The following RALGPS1 variants were observed in gnomAD, a reference collection of about 807,000 sequenced individuals.
The protein encoded by RALGPS1 is Ral GEF with PH domain and SH3 binding motif 1, also known as ras-specific guanine nucleotide-releasing factor RalGPS1.
A neutral mutation model predicts 78.8 loss-of-function variants in RALGPS1; 19 were observed. That is an observed-to-expected ratio of 0.24 (90% CI 0.17 to 0.35). RALGPS1 has a LOEUF of 0.35. RALGPS1 is among the 10% of genes least tolerant of loss of function. The pLI is 1.00. For missense variants in RALGPS1, 454 were observed against 688.3 expected (o/e 0.66, Z 3.81); for synonymous variants, 228 against 256.3 (o/e 0.89, Z 1.06).
At chr9:127,099,697 T>A (rs1194858085) in intron 8 of RALGPS1, among the ~76,000 whole-genome samples, 6 of 152,254 alleles carry the variant, frequency 3.9e-5, no homozygotes, top group Admixed American at 2.6e-4. Flanking sequence ...ATATATATTC[T>A]ATGTCAATCA....
At chr9:127,143,232 G>T (rs1485146769) in intron 8 of RALGPS1, among the ~76,000 whole-genome samples, 1 of 152,162 alleles carries the variant, frequency 6.6e-6, no homozygotes, top group Non-Finnish European at 1.5e-5. Context: ...GAGTGCAACT[G>T]CTGAGTCAAA....
intron 1 of RALGPS1, among the ~76,000 whole-genome samples, chr9:126,940,590 G>A (rs968526513): frequency 3.3e-5 from 5 of 151,984 alleles, no homozygotes; most frequent in African/African-American, 1.2e-4. Flanking sequence ...CAAGCCGCCC[G>A]CCACCATGCC....
rs1189020866 is a variant in RALGPS1 at position 127,220,312 on chromosome 9, T to G, written c.*1543T>G. 6.6e-6 allele frequency: 1 copy of G among 152,156 alleles called. No individual in the cohort carries two copies. Among genetic ancestry groups the G allele is most frequent in the Non-Finnish European group, 1.5e-5 (1 of 68,036 alleles). The allele number at this position is 152,156 out of a possible 1,614,324, so 9.4% of individuals were successfully genotyped here. On this transcript the variant is annotated 3_prime_UTR_variant, in exon 19 of 19. Transcript: ENST00000259351. ...GAACAACATCTACACCAGTAAAGTGTAATAGGTCAGTTTCAAAACGACCAA... is the reference window on the plus strand; with the variant it reads ...GAACAACATCTACACCAGTAAAGTGGAATAGGTCAGTTTCAAAACGACCAA...
At chr9:127,148,087 A>G (rs2138943093) in intron 8 of RALGPS1, among the ~76,000 whole-genome samples, 1 of 152,360 alleles carries the variant, frequency 6.6e-6, no homozygotes, top group East Asian at 1.9e-4. Flanking sequence ...CACTACTGAT[A>G]TATAATTATA....
chr9:127,089,663 AG>A (rs1477623947), intron 8 of RALGPS1, among the ~76,000 whole-genome samples: 1 of 152,234 alleles, frequency 6.6e-6, no homozygotes, highest in African/African-American at 2.4e-5. Context: ...AGTCCTCCCC[AG>A]CTTGTATTCC....
chr9:126,955,084 A>G (rs1300571003), intron 1 of RALGPS1, among the ~76,000 whole-genome samples: 2 of 152,226 alleles, frequency 1.3e-5, no homozygotes, highest in East Asian at 1.9e-4. Context: ...CAGCTTACAT[A>G]TCGCATCTGT....
At chr9:127,065,217 A>G (rs954236949) in intron 7 of RALGPS1, among the ~76,000 whole-genome samples, 1 of 152,062 alleles carries the variant, frequency 6.6e-6, no homozygotes, top group Non-Finnish European at 1.5e-5. Context: ...GGGTTCAAGG[A>G]ATTCTCCTGC....
intron 7 of RALGPS1, among the ~76,000 whole-genome samples, chr9:127,055,729 A>C (rs1339773055): frequency 6.6e-6 from 1 of 152,254 alleles, no homozygotes; most frequent in Non-Finnish European, 1.5e-5. Flanking sequence ...CACTGAACAA[A>C]AAAGACAATT....
intron 8 of RALGPS1, among the ~76,000 whole-genome samples, chr9:127,136,938 C>T (rs2057438355): frequency 6.6e-6 from 1 of 152,156 alleles, no homozygotes; most frequent in Non-Finnish European, 1.5e-5. Flanking sequence ...ACATGGGAAC[C>T]GGTAGACTCA....
chr9:127,212,563 C>A lies in RALGPS1; in HGVS notation c.1354-64C>A. 1 of 1,199,552 alleles carries A rather than the reference C, an allele frequency of 8.3e-7. No individual in the cohort carries two copies. The highest frequency in any genetic ancestry group is 1.2e-6 in the Non-Finnish European group (1 of 837,274). The allele number at this position is 1,199,552 out of a possible 1,614,324, so 74.3% of individuals were successfully genotyped here. A position where few individuals can be genotyped will look rare whatever the true frequency, so the allele number is the denominator to read the frequency against. On this transcript the variant is annotated intron_variant, in intron 15 of 18. Coordinates refer to ENST00000259351, the MANE Select transcript of RALGPS1 (RefSeq NM_014636.3). The surrounding 1 kb of genome is among the most constrained non-coding windows in gnomAD (Gnocchi z 6.0). ...TTGATGGGATGGCTGGGTCTGTAATCGGCCAGGGATCCTCTACCCCCACGA... is the reference window on the plus strand; with the variant it reads ...TTGATGGGATGGCTGGGTCTGTAATAGGCCAGGGATCCTCTACCCCCACGA...
At chr9:126,955,301 G>A (rs1014861805) in intron 1 of RALGPS1, among the ~76,000 whole-genome samples, 7 of 152,168 alleles carry the variant, frequency 4.6e-5, no homozygotes, top group African/African-American at 1.7e-4. Context: ...CTTGACCAGA[G>A]TATCTATGAA....
intron 8 of RALGPS1, among the ~76,000 whole-genome samples, chr9:127,086,271 A>G (rs1343188356): frequency 6.6e-6 from 1 of 152,212 alleles, no homozygotes; most frequent in Non-Finnish European, 1.5e-5. Context: ...CCCAGGGTAT[A>G]AGTGCATTTA....
chr9:127,177,397 C>T (rs1041774707), intron 11 of RALGPS1, among the ~76,000 whole-genome samples: 1 of 152,212 alleles, frequency 6.6e-6, no homozygotes, highest in Non-Finnish European at 1.5e-5. Context: ...TGGCACCAGC[C>T]ATTCAACACG....
chr9:126,964,368 C>CA (rs1188705839), intron 2 of RALGPS1, among the ~76,000 whole-genome samples: 2,779 of 42,286 alleles, frequency 0.066, 50 homozygotes, highest in African/African-American at 0.095. Flanking sequence ...GACTCCCACT[C>CA]AAAAAAAAAA....
At chr9:127,058,010 C>T (rs113313768) in intron 7 of RALGPS1, among the ~76,000 whole-genome samples, 9 of 152,328 alleles carry the variant, frequency 5.9e-5, no homozygotes, top group African/African-American at 2.2e-4. Flanking sequence ...TGCTAAAGTA[C>T]AGGCCTAACG....
intron 10 of RALGPS1, among the ~76,000 whole-genome samples, chr9:127,174,238 G>C (rs1205597872): frequency 6.8e-6 from 1 of 147,580 alleles, no homozygotes; most frequent in East Asian, 2.0e-4. Flanking sequence ...GAAAGACAGA[G>C]AGAGAGAGAG....
At chr9:126,996,643 A>G (rs2042793496) in intron 4 of RALGPS1, among the ~76,000 whole-genome samples, 2 of 152,250 alleles carry the variant, frequency 1.3e-5, no homozygotes, top group Admixed American at 6.5e-5. Context: ...AACTATTCCA[A>G]TCAATAGAAA....
chr9:127,123,534 C>G (rs2056354556), intron 8 of RALGPS1, among the ~76,000 whole-genome samples: 1 of 152,176 alleles, frequency 6.6e-6, no homozygotes. Flanking sequence ...CAAGGGTCTC[C>G]TGCTCCCAGA....
At chr9:127,210,018 G>A (rs956609006) in intron 14 of RALGPS1, among the ~76,000 whole-genome samples, 2 of 152,252 alleles carry the variant, frequency 1.3e-5, no homozygotes, top group African/African-American at 4.8e-5. Context: ...AAGACAGAGA[G>A]GCTAAAGGAG....
Sources: gnomAD v4.1 joint callset for allele counts (sites outside exome capture counted in the v4.1 genomes callset) on GRCh38, gnomAD v4.1.1 for gene constraint, Gnocchi (gnomAD v3.1) non-coding constraint, MANE v1.5 for transcripts, NCBI Gene and HGNC (gene_info 2026-07-23, HGNC 2026-07-21) for gene names.